Variants in METTL15 observed in about 807,000 individuals in gnomAD.
METTL15 encodes 12S rRNA N(4)-cytidine methyltransferase METTL15.
A neutral mutation model predicts 38.3 loss-of-function variants in METTL15; 34 were observed. The ratio of observed to expected loss-of-function variants is 0.89; its 90% CI spans 0.68 to 1.18. METTL15 has a LOEUF of 1.18. Ranked by LOEUF, METTL15 falls within the 50% of genes most tolerant of loss-of-function variation. The probability of loss-of-function intolerance (pLI) is 0.00; values close to 1 mark genes in which losing one functional copy is unlikely to be tolerated. For synonymous variants in METTL15, 162 were observed against 170.9 expected (o/e 0.95, Z 0.41); for missense variants, 438 against 498.4 (o/e 0.88, Z 1.15).
chr11:28,459,840 C>T (rs772871509), intron 6 of METTL15, among the ~76,000 whole-genome samples: 104 of 152,104 alleles, frequency 6.8e-4, no homozygotes, highest in Non-Finnish European at 1.2e-3. Context: ...GTGTCCACAG[C>T]GGTTTTATGG....
intron 5 of METTL15, among the ~76,000 whole-genome samples, chr11:28,396,791 T>G (rs183755051): frequency 1.2e-3 from 188 of 152,276 alleles, no homozygotes; most frequent in African/African-American, 4.3e-3. Context: ...AAGACAATCC[T>G]AAGGCAAAAG....
At chr11:28,365,028 A>G (rs550870755) in intron 5 of METTL15, among the ~76,000 whole-genome samples, 1 of 152,316 alleles carries the variant, frequency 6.6e-6, no homozygotes, top group African/African-American at 2.4e-5. Context: ...AATAAAGCCT[A>G]CTTGATCATG....
In METTL15 at chr11:28,212,183, A is replaced by T. The variant is rs1352343686; in HGVS notation, c.407+985A>T. ...ACTCTTTGCAAATCTAATGAATGTG[A>T]TTAACTCTCCCCATAAAACTATAAA... On this transcript the variant is annotated intron_variant, in intron 4 of 6. Coordinates refer to ENST00000407364, the MANE Select transcript of METTL15 (RefSeq NM_001113528.2). Among the ~76,000 whole-genome samples, 8 of 152,158 alleles carry T rather than the reference A, an allele frequency of 5.3e-5. No individual in the cohort carries two copies. The South Asian group carries it at 1.0e-3, about 20-fold the overall frequency.
intron 5 of METTL15, among the ~76,000 whole-genome samples, chr11:28,385,849 G>A (rs1850435042): frequency 6.6e-6 from 1 of 151,936 alleles, no homozygotes; most frequent in African/African-American, 2.4e-5. Flanking sequence ...GTACTTCTAT[G>A]CTGCCATTTT....
intron 4 of METTL15, among the ~76,000 whole-genome samples, chr11:28,359,275 A>G (rs1379255308): frequency 2.6e-5 from 4 of 152,110 alleles, no homozygotes; most frequent in South Asian, 4.1e-4. Context: ...CATTATTTTT[A>G]TGGCTACATA....
intron 4 of METTL15, among the ~76,000 whole-genome samples, chr11:28,264,011 A>G (rs1855312774): frequency 6.6e-6 from 1 of 152,034 alleles, no homozygotes; most frequent in Non-Finnish European, 1.5e-5. Context: ...AACTTTGTAC[A>G]CCTGAATTGT....
chr11:28,147,762 A>T (rs1849936702), intron 3 of METTL15, among the ~76,000 whole-genome samples: 1 of 151,906 alleles, frequency 6.6e-6, no homozygotes, highest in Non-Finnish European at 1.5e-5. Flanking sequence ...GCCTACTAGC[A>T]TATAAAAATT....
At chr11:28,382,335 C>T (rs1850396307) in intron 5 of METTL15, among the ~76,000 whole-genome samples, 1 of 152,200 alleles carries the variant, frequency 6.6e-6, no homozygotes, top group African/African-American at 2.4e-5. Context: ...TTGTCTCTGG[C>T]TGTCCTCAGG....
chr11:28,153,052 A>C (rs562397198), intron 3 of METTL15, among the ~76,000 whole-genome samples: 1 of 152,118 alleles, frequency 6.6e-6, no homozygotes, highest in South Asian at 2.1e-4. Flanking sequence ...TATAATGTGC[A>C]GTGAGGGGGA....
intron 4 of METTL15, among the ~76,000 whole-genome samples, chr11:28,267,229 C>G (rs1029152089): frequency 6.7e-6 from 1 of 149,860 alleles, no homozygotes; most frequent in South Asian, 2.2e-4. Context: ...AGTGTCTAGT[C>G]TCTTCCTACT....
intron 3 of METTL15, among the ~76,000 whole-genome samples, chr11:28,340,095 A>G (rs1849936549): frequency 6.6e-6 from 1 of 152,096 alleles, no homozygotes; most frequent in African/African-American, 2.4e-5. Flanking sequence ...GAGATAGAGA[A>G]GTATACGTAC....
intron 3 of METTL15, among the ~76,000 whole-genome samples, chr11:28,165,281 T>A (rs1050832531): frequency 2.6e-5 from 4 of 152,130 alleles, no homozygotes; most frequent in Non-Finnish European, 5.9e-5. Context: ...AATGGTTGTA[T>A]TAATTTATCT....
intron 4 of METTL15, among the ~76,000 whole-genome samples, chr11:28,237,577 C>T (rs747494808): frequency 1.3e-5 from 2 of 152,274 alleles, no homozygotes; most frequent in East Asian, 1.9e-4. Context: ...ATAGTTTGAT[C>T]GTCTGAAGCC....
rs763326965 is a variant in METTL15 at position 28,250,570 on chromosome 11, A to ATTT, written c.407+39372_407+39373insTTT. Reference sequence around the variant, plus strand: ...TAGAAGTTACTCTCCTTTTTTTAAAAAAAAAAATGATGTTTTTCCTACATC... The same window carrying ATTT: ...TAGAAGTTACTCTCCTTTTTTTAAAATTTAAAAAAATGATGTTTTTCCTACATC... On this transcript the variant is annotated intron_variant, in intron 4 of 6. Coordinates refer to ENST00000407364, the MANE Select transcript of METTL15 (RefSeq NM_001113528.2). 4.4e-3 allele frequency among the ~76,000 whole-genome samples: 639 copies of ATTT among 146,298 alleles called. 2 individuals carry two copies. Among genetic ancestry groups the ATTT allele is most frequent in the East Asian group, 8.7e-3 (44 of 5,066 alleles).
At chr11:28,191,178 C>G (rs1851687525) in intron 3 of METTL15, among the ~76,000 whole-genome samples, 1 of 151,212 alleles carries the variant, frequency 6.6e-6, no homozygotes, top group South Asian at 2.1e-4. Context: ...GATTACAATA[C>G]TTTTATTTAA....
At chr11:28,366,915 C>T (rs1196320024) in intron 5 of METTL15, among the ~76,000 whole-genome samples, 1 of 152,060 alleles carries the variant, frequency 6.6e-6, no homozygotes, top group Non-Finnish European at 1.5e-5. Flanking sequence ...AGTCACAGTA[C>T]CCCAAGCAAG....
intron 4 of METTL15, among the ~76,000 whole-genome samples, chr11:28,283,281 C>A (rs1267294634): frequency 2.6e-5 from 4 of 152,150 alleles, no homozygotes; most frequent in Non-Finnish European, 5.9e-5. Flanking sequence ...AATAAGTCTT[C>A]TGTCTGTGAA....
intron 3 of METTL15, among the ~76,000 whole-genome samples, chr11:28,141,041 C>A (rs1849682565): frequency 6.6e-6 from 1 of 152,288 alleles, no homozygotes; most frequent in Admixed American, 6.5e-5. Flanking sequence ...ATGCTGAGAA[C>A]AGCAGTAGTT....
intron 6 of METTL15, among the ~76,000 whole-genome samples, chr11:28,299,086 G>A (rs1262893908): frequency 6.6e-6 from 1 of 152,080 alleles, no homozygotes; most frequent in Non-Finnish European, 1.5e-5. Context: ...CAAGAGTTAT[G>A]ATAGTATGGT....
Sources: gnomAD v4.1 joint callset for allele counts (sites outside exome capture counted in the v4.1 genomes callset) on GRCh38, gnomAD v4.1.1 for gene constraint, MANE v1.5 for transcripts, NCBI Gene and HGNC (gene_info 2026-07-23, HGNC 2026-07-21) for gene names.